DENND2A: variants seen among roughly 807,000 people sequenced by gnomAD.
The protein encoded by DENND2A is DENN domain-containing protein 2A.
In DENND2A, 53 loss-of-function variants were observed where a neutral mutation model predicts 105.3. The observed-to-expected ratio is 0.50, with a 90% CI of 0.40 to 0.63. DENND2A has a LOEUF of 0.63. DENND2A is among the 30% of genes least tolerant of loss of function. DENND2A has a pLI of 0.00. For missense variants in DENND2A, 1,138 were observed against 1,279.6 expected (o/e 0.89, Z 1.69); for synonymous variants, 522 against 508.4 (o/e 1.03, Z -0.36).
At chr7:140,621,368 A>G (rs1585773115) in intron 1 of DENND2A, among the ~76,000 whole-genome samples, 1 of 152,264 alleles carries the variant, frequency 6.6e-6, no homozygotes, top group East Asian at 1.9e-4. Context: ...TTTCTAGATT[A>G]CTTATAATAC....
chr7:140,522,458 C>T (rs1037482994), intron 17 of DENND2A, among the ~76,000 whole-genome samples: 10 of 151,736 alleles, frequency 6.6e-5, no homozygotes, highest in African/African-American at 1.5e-4. Context: ...GGATTATGGG[C>T]ATGCGCCACC....
At chr7:140,612,644 G>A (rs1799942618) in intron 1 of DENND2A, among the ~76,000 whole-genome samples, 1 of 151,940 alleles carries the variant, frequency 6.6e-6, no homozygotes, top group Non-Finnish European at 1.5e-5. Flanking sequence ...TGGAATTATG[G>A]TCATGTACCA....
chr7:140,579,270 C>T (rs920047550), intron 5 of DENND2A, among the ~76,000 whole-genome samples: 17 of 150,966 alleles, frequency 1.1e-4, no homozygotes, highest in African/African-American at 2.7e-4. Context: ...TCCAGACTGG[C>T]GACAGAGCGA....
intron 12 of DENND2A, among the ~76,000 whole-genome samples, chr7:140,551,477 T>C (rs1797137871): frequency 6.6e-6 from 1 of 152,038 alleles, no homozygotes; most frequent in African/African-American, 2.4e-5. Flanking sequence ...GAAGAGCACA[T>C]GTGGGCCATC....
chr7:140,575,839 T>C (rs1192673038), intron 5 of DENND2A, among the ~76,000 whole-genome samples: 2 of 152,064 alleles, frequency 1.3e-5, no homozygotes, highest in South Asian at 4.2e-4. Context: ...CGTGGTGGCA[T>C]GCACCTGTAG....
chr7:140,525,677 G>C (rs1585549867), intron 16 of DENND2A, 74 bp downstream of exon 16: 19 of 1,384,254 alleles, frequency 1.4e-5, no homozygotes, highest in Non-Finnish European at 1.8e-5. Context: ...CCTTTCCAAG[G>C]CTGGAGAGCT....
intron 12 of DENND2A, among the ~76,000 whole-genome samples, chr7:140,548,478 T>C (rs966334589): frequency 5.9e-5 from 9 of 151,938 alleles, no homozygotes; most frequent in Non-Finnish European, 1.2e-4. Flanking sequence ...GCTATGATCA[T>C]GCCACCACAC....
chr7:140,567,074 C>A lies in DENND2A; in HGVS notation c.1779+12G>T. The stretch of plus-strand genomic sequence containing the variant: ...ACCCTGGCAGGCCACAGGGACCTGG[C>A]CACCCTGTTACCTTCAGAGGGAACT... On this transcript the variant is annotated intron_variant, in intron 9 of 19. Transcript: ENST00000496613. The A allele has an allele frequency of 6.4e-7, 1 of 1,565,412 alleles. No individual in the cohort carries two copies.
intron 9 of DENND2A, among the ~76,000 whole-genome samples, chr7:140,561,669 ATT>A (rs1242616480): frequency 2.2e-4 from 21 of 94,382 alleles, no homozygotes; most frequent in African/African-American, 5.2e-4. Context: ...ACACCTAGCT[ATT>A]TTTTTTTTTT....
At chr7:140,574,458 A>G (rs879731773) in intron 5 of DENND2A, among the ~76,000 whole-genome samples, 2 of 151,992 alleles carry the variant, frequency 1.3e-5, no homozygotes, top group Non-Finnish European at 2.9e-5. Flanking sequence ...AGCTCAGGCA[A>G]TCCGCCTGCC....
intron 3 of DENND2A, 106 bp downstream of exon 3, chr7:140,601,297 A>T: frequency 7.0e-7 from 1 of 1,419,788 alleles, no homozygotes; most frequent in South Asian, 1.5e-5. Context: ...AAGATCCATC[A>T]GTTTAATAAA....
intron 14 of DENND2A, among the ~76,000 whole-genome samples, chr7:140,534,081 A>ATTTTTTTTTTTTTTTT (rs3042407): frequency 0.011 from 914 of 80,018 alleles, 101 homozygotes; most frequent in Non-Finnish European, 0.015. Flanking sequence ...TGCCTGGTTA[A>ATTTTTTTTTTTTTTTT]TTTTTTTTTT....
At chr7:140,623,232 T>C (rs972357318) in intron 1 of DENND2A, among the ~76,000 whole-genome samples, 4 of 150,276 alleles carry the variant, frequency 2.7e-5, no homozygotes, top group African/African-American at 4.9e-5. Flanking sequence ...GAAGGATTGA[T>C]TGAACCCGGG....
chr7:140,587,630 A>C (rs750143274), intron 4 of DENND2A, 23 bp downstream of exon 4: 1 of 1,612,672 alleles, frequency 6.2e-7, no homozygotes. Context: ...TCAGATCCGC[A>C]CACAGACGCT....
chr7:140,531,027 C>T (rs114118543), intron 14 of DENND2A, among the ~76,000 whole-genome samples: 1,986 of 152,300 alleles, frequency 0.013, 49 homozygotes, highest in African/African-American at 0.045. Flanking sequence ...CCACCACATC[C>T]GGCCGACTTC....
At chr7:140,535,916 C>T (rs567998268) in intron 14 of DENND2A, among the ~76,000 whole-genome samples, 1 of 152,182 alleles carries the variant, frequency 6.6e-6, no homozygotes, top group South Asian at 2.1e-4. Flanking sequence ...AACGATGAAC[C>T]CAGAAGAGAG....
chr7:140,619,358 G>C (rs2130717078), intron 1 of DENND2A, among the ~76,000 whole-genome samples: 2 of 152,282 alleles, frequency 1.3e-5, no homozygotes, highest in Middle Eastern at 6.8e-3. Context: ...GCTGGTGATT[G>C]CTGAGGTTAG....
At chr7:140,549,871 T>C (rs560199553) in intron 12 of DENND2A, among the ~76,000 whole-genome samples, 2 of 152,218 alleles carry the variant, frequency 1.3e-5, no homozygotes, top group Non-Finnish European at 2.9e-5. Flanking sequence ...GATAAATGGA[T>C]AAATAATCAA....
rs1172923912 is a variant in DENND2A at position 140,585,601 on chromosome 7, G to A, written c.1233C>T (p.Asp411=). The stretch of plus-strand genomic sequence containing the variant: ...AGGGGACTCATACCTTGGTGAGTGT[G>A]TCAGGGATGGAAGAGGTGGGAGAAG... The part of the protein sequence containing the change: ...FPASPTSSIP[D]TLTKQSLSKP... Residue 411 remains aspartate (D), a synonymous_variant, in exon 5 of 20, where the codon GAC becomes GAT. Transcript: ENST00000496613. 5.0e-6 allele frequency: 8 copies of A among 1,614,162 alleles called. No individual in the cohort carries two copies. The highest frequency in any genetic ancestry group is 6.8e-6 in the Non-Finnish European group (8 of 1,180,030).
Sources: gnomAD v4.1 joint callset for allele counts (sites outside exome capture counted in the v4.1 genomes callset) on GRCh38, gnomAD v4.1.1 for gene constraint, MANE v1.5 for transcripts, NCBI Gene and HGNC (gene_info 2026-07-23, HGNC 2026-07-21) for gene names.